Variants in MTHFD1L observed in about 807,000 individuals in gnomAD.
MTHFD1L encodes the protein methylenetetrahydrofolate dehydrogenase (NADP+ dependent) 1 like, also known as monofunctional C1-tetrahydrofolate synthase, mitochondrial.
Under a neutral mutation model 119.5 loss-of-function variants are expected in MTHFD1L, and 81 were observed. The observed-to-expected ratio is 0.68, with a 90% confidence interval of 0.57 to 0.82. The LOEUF is 0.82. Among genes scored for constraint, MTHFD1L ranks in the 40% least tolerant of loss-of-function variants. The probability of loss-of-function intolerance (pLI) is 0.00; values close to 1 mark genes in which losing one functional copy is unlikely to be tolerated. For synonymous variants in MTHFD1L, 430 were observed against 475.2 expected (o/e 0.90, Z 1.24); for missense variants, 1,125 against 1,253.4 (o/e 0.90, Z 1.55).
At chr6:151,031,411 A>T (rs1785322071) in intron 24 of MTHFD1L, among the ~76,000 whole-genome samples, 1 of 152,222 alleles carries the variant, frequency 6.6e-6, no homozygotes, top group South Asian at 2.1e-4. Context: ...GTCAGGCCCC[A>T]GTGAATCCCT....
At chr6:151,097,205 T>C (rs150119028) in intron 27 of MTHFD1L, among the ~76,000 whole-genome samples, 624 of 152,354 alleles carry the variant, frequency 4.1e-3, no homozygotes, top group Non-Finnish European at 6.9e-3. Flanking sequence ...ACTTCTTTAT[T>C]GTACTGTGCA....
chr6:151,003,679 C>T (rs1264887323), intron 20 of MTHFD1L, among the ~76,000 whole-genome samples: 1 of 152,158 alleles, frequency 6.6e-6, no homozygotes, highest in African/African-American at 2.4e-5. Flanking sequence ...TGTGTGTAAA[C>T]ACTAGGCAAG....
chr6:150,903,670 C>T (rs987471892), intron 7 of MTHFD1L, among the ~76,000 whole-genome samples: 3 of 152,154 alleles, frequency 2.0e-5, no homozygotes, highest in African/African-American at 7.2e-5. Context: ...GCAGTCTTCC[C>T]ACCCTGGCCT....
At chr6:151,068,763 C>T (rs73782706) in intron 26 of MTHFD1L, among the ~76,000 whole-genome samples, 3,251 of 152,274 alleles carry the variant, frequency 0.021, 104 homozygotes, top group African/African-American at 0.073. Context: ...AGCTAGTAAA[C>T]TTCAGAGCTT....
intron 7 of MTHFD1L, among the ~76,000 whole-genome samples, chr6:150,904,748 A>T (rs1382586605): frequency 6.6e-6 from 1 of 152,156 alleles, no homozygotes; most frequent in Non-Finnish European, 1.5e-5. Context: ...TTCCTACCAG[A>T]CATGTTCCTC....
intron 13 of MTHFD1L, among the ~76,000 whole-genome samples, chr6:150,943,254 GA>G (rs1281702110): frequency 6.6e-6 from 1 of 151,566 alleles, no homozygotes; most frequent in African/African-American, 2.4e-5. Context: ...CAGCCTAGGT[GA>G]AAGAGCGAAA....
At chr6:150,994,951 G>T (rs543588327) in intron 20 of MTHFD1L, among the ~76,000 whole-genome samples, 6 of 152,032 alleles carry the variant, frequency 3.9e-5, no homozygotes, top group Non-Finnish European at 8.8e-5. Flanking sequence ...ATGAAACCTT[G>T]TTTTTAATGC....
At chr6:151,089,723 A>C (rs989458319) in intron 26 of MTHFD1L, among the ~76,000 whole-genome samples, 14 of 152,230 alleles carry the variant, frequency 9.2e-5, no homozygotes, top group African/African-American at 2.7e-4. Context: ...ATATGTGTCC[A>C]CCAGTTACCC....
intron 26 of MTHFD1L, among the ~76,000 whole-genome samples, chr6:151,081,608 G>C (rs1210171539): frequency 6.6e-6 from 1 of 152,104 alleles, no homozygotes; most frequent in Non-Finnish European, 1.5e-5. Context: ...GGAGGCAGAG[G>C]TTGCAGTGAG....
chr6:150,932,187 C>T (rs1583627962), intron 11 of MTHFD1L, among the ~76,000 whole-genome samples: 1 of 95,948 alleles, frequency 1.0e-5, no homozygotes, highest in East Asian at 4.3e-4. Context: ...AAAAAAAAAG[C>T]ATCATTCCAT....
chr6:150,871,565 G>A (rs1779511311), intron 1 of MTHFD1L, among the ~76,000 whole-genome samples: 1 of 139,912 alleles, frequency 7.1e-6, no homozygotes, highest in African/African-American at 2.7e-5. Flanking sequence ...GCAGTGCTGC[G>A]ATCTCGGCTC....
chr6:150,915,044 C>G (rs9397365), intron 8 of MTHFD1L, among the ~76,000 whole-genome samples: 1 of 151,990 alleles, frequency 6.6e-6, no homozygotes, highest in Non-Finnish European at 1.5e-5. Context: ...GTTGTGTGTA[C>G]CACCTACCAT....
chr6:151,069,177 C>T (rs1791655785), intron 26 of MTHFD1L, among the ~76,000 whole-genome samples: 1 of 151,850 alleles, frequency 6.6e-6, no homozygotes, highest in Admixed American at 6.6e-5. Context: ...GCCACCTCAG[C>T]CTCATGACTT....
chr6:150,919,425 A>G (rs1021244072), intron 9 of MTHFD1L, among the ~76,000 whole-genome samples: 2 of 152,056 alleles, frequency 1.3e-5, no homozygotes, highest in South Asian at 2.1e-4. Context: ...GGGTTTCACC[A>G]TGTCGGCCAG....
chr6:150,883,933 GAC>G (rs1421367107), intron 5 of MTHFD1L, among the ~76,000 whole-genome samples: 1 of 152,114 alleles, frequency 6.6e-6, no homozygotes, highest in Non-Finnish European at 1.5e-5. Context: ...ACCTTCCTGA[GAC>G]ACCCAGCAAT....
intron 24 of MTHFD1L, among the ~76,000 whole-genome samples, chr6:151,029,804 T>C (rs1785088813): frequency 6.6e-6 from 1 of 152,162 alleles, no homozygotes. Flanking sequence ...TAAAAAAAAT[T>C]TTTTTAAATA....
Position 150,866,335 on chromosome 6 carries a change from G to C in MTHFD1L, c.227+286G>C, listed in dbSNP as rs914055347. 3 of 1,450,156 alleles carry C rather than the reference G, an allele frequency of 2.1e-6. No individual in the cohort carries two copies. The Admixed American group carries it at 8.0e-5, about 39-fold the overall frequency. 89.8% of individuals were successfully genotyped at this position (1,450,156 alleles called of 1,614,324 possible). On this transcript the variant is annotated intron_variant, in intron 1 of 27. Transcript: ENST00000367321. Reference sequence around the variant, plus strand: ...GCATGGACCGCACGCCCGGCTCCACGTGCGCAGCCGGCCGCCGGCTCTGAT... The same window carrying C: ...GCATGGACCGCACGCCCGGCTCCACCTGCGCAGCCGGCCGCCGGCTCTGAT...
chr6:151,026,560 G>A (rs12526540), intron 24 of MTHFD1L, among the ~76,000 whole-genome samples: 31,447 of 152,094 alleles, frequency 0.21, 3,697 homozygotes, highest in Middle Eastern at 0.3. Context: ...AAGAAGTTTG[G>A]AAAGGAATTA....
intron 26 of MTHFD1L, among the ~76,000 whole-genome samples, chr6:151,090,913 A>AGCATCGCCCCATGCGACTGGGTGCC (rs1554301691): frequency 9.0e-6 from 1 of 110,658 alleles, no homozygotes; most frequent in East Asian, 3.3e-4. Context: ...GACTGGGTGC[A>AGCATCGCCCCATGCGACTGGGTGCC]GCATCGTTCC....
Sources: allele counts gnomAD v4.1 joint callset (sites outside exome capture counted in the v4.1 genomes callset), GRCh38; gene constraint gnomAD v4.1.1; transcripts MANE v1.5; gene names NCBI Gene and HGNC (gene_info 2026-07-23, HGNC 2026-07-21).